The following ABTB2 variants were observed in gnomAD, a reference collection of about 807,000 sequenced individuals.
ABTB2 encodes the protein ankyrin repeat and BTB domain containing 2, also known as ankyrin repeat and BTB/POZ domain-containing protein 2.
Under a neutral mutation model 104.1 loss-of-function variants are expected in ABTB2, and 56 were observed. That is an observed-to-expected ratio of 0.54 (90% confidence interval 0.43 to 0.67). The LOEUF (loss-of-function observed/expected upper bound fraction) is 0.67. Among genes scored for constraint, ABTB2 ranks in the 30% least tolerant of loss-of-function variants. The pLI, the probability that ABTB2 is intolerant of heterozygous loss-of-function variation, is 0.00. For synonymous variants in ABTB2, 606 were observed against 608.2 expected (o/e 1.00, Z 0.05); for missense variants, 1,279 against 1,407.7 (o/e 0.91, Z 1.46).
chr11:34,179,457 C>T (rs1057412903), intron 3 of ABTB2, among the ~76,000 whole-genome samples: 6 of 152,144 alleles, frequency 3.9e-5, no homozygotes, highest in African/African-American at 7.2e-5. Context: ...TGGCAGGCGG[C>T]GCTGGCACAG....
intron 1 of ABTB2, among the ~76,000 whole-genome samples, chr11:34,320,131 GC>G (rs1334262261): frequency 6.6e-6 from 1 of 152,176 alleles, no homozygotes; most frequent in Non-Finnish European, 1.5e-5. Context: ...TAATCTATTA[GC>G]ACACGTTACT....
chr11:34,244,796 C>T (rs1478060231), intron 1 of ABTB2, among the ~76,000 whole-genome samples: 2 of 152,060 alleles, frequency 1.3e-5, no homozygotes, highest in Admixed American at 1.3e-4. Flanking sequence ...TCACTTGAGC[C>T]CAGGAGTTCG....
intron 1 of ABTB2, among the ~76,000 whole-genome samples, chr11:34,271,417 G>C (rs1243905187): frequency 6.6e-6 from 1 of 152,124 alleles, no homozygotes; most frequent in Non-Finnish European, 1.5e-5. Flanking sequence ...GAGGTAGGAG[G>C]GTACTTCCTC....
intron 1 of ABTB2, among the ~76,000 whole-genome samples, chr11:34,220,569 G>A (rs772897448): frequency 3.3e-5 from 5 of 152,174 alleles, no homozygotes; most frequent in Admixed American, 6.5e-5. Context: ...ACCCTGCTAC[G>A]GCTGAAGCTG....
At chr11:34,297,097 A>G (rs1222116503) in intron 1 of ABTB2, among the ~76,000 whole-genome samples, 1 of 152,246 alleles carries the variant, frequency 6.6e-6, no homozygotes, top group East Asian at 1.9e-4. Context: ...ACATTTTAAA[A>G]GTATTTCACA....
intron 10 of ABTB2, among the ~76,000 whole-genome samples, chr11:34,161,752 A>T (rs1447605437): frequency 6.6e-6 from 1 of 152,218 alleles, no homozygotes; most frequent in African/African-American, 2.4e-5. Context: ...CCTGGTAATT[A>T]GAGAGACAGC....
chr11:34,162,560 G>A lies in ABTB2; in HGVS notation c.2218+16C>T, dbSNP rs557281892. The stretch of plus-strand genomic sequence containing the variant: ...TGCATGCATGGACATGGGTGTGCAT[G>A]CCCGTGAGGCCTCACCCAGTGCCCT... On this transcript the variant is annotated intron_variant, in intron 10 of 16. Transcript: ENST00000435224. 1 of 1,610,696 alleles carries A rather than the reference G, an allele frequency of 6.2e-7. No individual in the cohort carries two copies. Among genetic ancestry groups the A allele is most frequent in the East Asian group, 2.2e-5 (1 of 44,808 alleles).
intron 7 of ABTB2, among the ~76,000 whole-genome samples, chr11:34,165,722 G>A (rs1852791644): frequency 6.6e-6 from 1 of 152,254 alleles, no homozygotes; most frequent in Non-Finnish European, 1.5e-5. Flanking sequence ...ATGGCTCTGG[G>A]TGGCAGCACG....
At chr11:34,207,452 A>T (rs1166618033) in intron 1 of ABTB2, among the ~76,000 whole-genome samples, 5 of 152,252 alleles carry the variant, frequency 3.3e-5, no homozygotes, top group African/African-American at 1.2e-4. Flanking sequence ...ATTATTAATA[A>T]TAGTAATTGA....
Position 34,357,719 on chromosome 11 carries a change from C to T in ABTB2, c.-136G>A, listed in dbSNP as rs1261060809. The stretch of plus-strand genomic sequence containing the variant: ...TCTCTGCGTCGCGGGGCTCGGCGGC[C>T]GCATTGCCTGCCCGGAGGCCGCGGG... On this transcript the variant is annotated 5_prime_UTR_variant, in exon 1 of 17. Coordinates refer to ENST00000435224, the MANE Select transcript of ABTB2 (RefSeq NM_145804.3). The T allele has an allele frequency of 6.8e-5, 70 of 1,026,710 alleles. No homozygotes were observed. In the East Asian group the frequency reaches 2.2e-3, roughly 32 times the overall value. 63.6% of individuals were successfully genotyped at this position (1,026,710 alleles called of 1,614,324 possible). A position where few individuals can be genotyped will look rare whatever the true frequency, so the allele number is the denominator to read the frequency against.
At chr11:34,309,776 AG>A (rs1307685559) in intron 1 of ABTB2, among the ~76,000 whole-genome samples, 1 of 152,122 alleles carries the variant, frequency 6.6e-6, no homozygotes. Context: ...TGTCATAGGA[AG>A]AGGTGATCAG....
At chr11:34,351,318 G>A (rs1810507) in intron 1 of ABTB2, among the ~76,000 whole-genome samples, 23,926 of 152,108 alleles carry the variant, frequency 0.16, 3,288 homozygotes, top group African/African-American at 0.36. Context: ...CAAGGGGGCG[G>A]TTGGTATTTC....
chr11:34,283,741 T>C (rs1316520039), intron 1 of ABTB2, among the ~76,000 whole-genome samples: 4 of 152,174 alleles, frequency 2.6e-5, no homozygotes, highest in Admixed American at 1.3e-4. Context: ...GTAGGTGGTC[T>C]TTCAACTGCA....
Position 34,171,061 on chromosome 11 carries a change from A to G in ABTB2, c.1408T>C (p.Cys470Arg). The G allele has an allele frequency of 6.2e-7, 1 of 1,614,154 alleles. No individual in the cohort carries two copies. The highest frequency in any genetic ancestry group is 1.1e-5 in the South Asian group (1 of 91,076). ...TCCAGCCTCCGGAAGGAACTGAAAC[A>G]GTGTTCGGGTCTGCCCAGAAGAGAC... ...CEPRQLKPEH[C>R]FSSFRRLDAR... Residue 470 changes from cysteine (C) to arginine (R), a missense_variant, in exon 5 of 17, where the codon TGT (cysteine) becomes CGT (arginine). Physicochemically the swap from Cys to Arg is radical, Grantham distance 180 (BLOSUM62 -3). Transcript: ENST00000435224.
chr11:34,160,450 A>T, intron 11 of ABTB2, 97 bp from the exon 12 acceptor site: 1 of 828,502 alleles, frequency 1.2e-6, no homozygotes, highest in Admixed American at 2.0e-5. Context: ...CCAGGCCAGG[A>T]GTAGTGCAGC....
intron 1 of ABTB2, among the ~76,000 whole-genome samples, chr11:34,279,567 A>G (rs1854425480): frequency 6.6e-6 from 1 of 152,192 alleles, no homozygotes; most frequent in Non-Finnish European, 1.5e-5. Context: ...AGCTTCCCCA[A>G]CCTATCTGTC....
At chr11:34,320,033 A>G (rs761964899) in intron 1 of ABTB2, among the ~76,000 whole-genome samples, 1 of 152,174 alleles carries the variant, frequency 6.6e-6, no homozygotes, top group Non-Finnish European at 1.5e-5. Context: ...TACAGGCGTG[A>G]CCACCGTGCC....
In ABTB2 at chr11:34,228,937, T is replaced by C. The variant is rs190987309; in HGVS notation, c.884-24247A>G. Among the ~76,000 whole-genome samples, 936 of 151,436 alleles carry C rather than the reference T, an allele frequency of 6.2e-3. 9 individuals carry two copies. Among genetic ancestry groups the C allele is most frequent in the African/African-American group, 0.021 (864 of 41,302 alleles). ...GAGTTCGAGACCAGCCTGGCCAACATGGTGAAACAGCATCTCTACTAAAAT... is the reference window on the plus strand; with the variant it reads ...GAGTTCGAGACCAGCCTGGCCAACACGGTGAAACAGCATCTCTACTAAAAT... On this transcript the variant is annotated intron_variant, in intron 1 of 16. Coordinates refer to ENST00000435224, the MANE Select transcript of ABTB2 (RefSeq NM_145804.3).
chr11:34,169,272 C>T (rs1852839090), intron 5 of ABTB2, among the ~76,000 whole-genome samples: 1 of 152,180 alleles, frequency 6.6e-6, no homozygotes. Flanking sequence ...GCACTCCAGA[C>T]ATATAAAGAG....
Sources: allele counts gnomAD v4.1 joint callset (sites outside exome capture counted in the v4.1 genomes callset), GRCh38; gene constraint gnomAD v4.1.1; transcripts MANE v1.5; gene names NCBI Gene and HGNC (gene_info 2026-07-23, HGNC 2026-07-21).